The following PKD1L3 variants were observed in gnomAD, a reference collection of about 807,000 sequenced individuals.
The protein encoded by PKD1L3 is polycystin-1-like protein 3.
PKD1L3 carries 239 observed loss-of-function variants against 184.1 expected under a neutral mutation model. That is an observed-to-expected ratio of 1.30 (90% CI 1.17 to 1.45). The LOEUF is 1.45. PKD1L3 is among the 40% of genes most tolerant of loss of function. The probability of loss-of-function intolerance (pLI) is 0.00; values close to 1 mark genes in which losing one functional copy is unlikely to be tolerated. For missense variants in PKD1L3, 2,660 were observed against 2,067.2 expected (o/e 1.29, Z -5.56); for synonymous variants, 996 against 778.8 (o/e 1.28, Z -4.64).
rs530622743 is a variant in PKD1L3, at chr16:71,987,533, C to T, written c.586-1064G>A. ...GACTACAGGACCACATCACCACACC[C>T]GGCTAATTTTTGTATTTTTAGTAGA... is the stretch of plus-strand genomic sequence containing the variant. On this transcript the variant is annotated intron_variant, in intron 4 of 29. Transcript: ENST00000620267. 1.6e-4 allele frequency among the ~76,000 whole-genome samples: 25 copies of T among 152,160 alleles called. No individual in the cohort carries two copies. The South Asian group carries it at 4.6e-3, about 28-fold the overall frequency.
chr16:71,989,515 A>G (rs367680399), intron 4 of PKD1L3, among the ~76,000 whole-genome samples: 5 of 152,372 alleles, frequency 3.3e-5, no homozygotes, highest in South Asian at 2.1e-4. Flanking sequence ...AAACAAATGC[A>G]TATCTGTGTT....
chr16:71,933,298 A>C, intron 28 of PKD1L3, 122 bp downstream of exon 28: 1 of 723,948 alleles, frequency 1.4e-6, no homozygotes, highest in Non-Finnish European at 2.4e-6. Context: ...AGAGCAAAGG[A>C]CTGAAATTTT....
At chr16:71,981,463 C>T (rs1002844565) in intron 7 of PKD1L3, among the ~76,000 whole-genome samples, 8 of 150,392 alleles carry the variant, frequency 5.3e-5, no homozygotes, top group Admixed American at 2.7e-4. Flanking sequence ...CCAATGATGT[C>T]GAGCATCTTT....
chr16:71,969,629 C>T (rs373477736), intron 13 of PKD1L3, among the ~76,000 whole-genome samples: 1 of 151,824 alleles, frequency 6.6e-6, no homozygotes, highest in East Asian at 1.9e-4. Flanking sequence ...TCTTTTGGCT[C>T]ATTCCTGTCC....
At chr16:71,984,569 C>T (rs570000456) in intron 5 of PKD1L3, among the ~76,000 whole-genome samples, 26 of 152,164 alleles carry the variant, frequency 1.7e-4, no homozygotes, top group Non-Finnish European at 8.8e-5. Context: ...TTCAAGTATT[C>T]GTATTTAAGG....
In PKD1L3 at chr16:71,980,153, A is replaced by G. The variant is rs1014735752; in HGVS notation, c.1144-19T>C. 9 of 1,550,336 alleles carry G rather than the reference A, an allele frequency of 5.8e-6. No homozygotes were observed. In the African/African-American group the frequency reaches 1.1e-4, roughly 19 times the overall value. On this transcript the variant is annotated intron_variant, in intron 7 of 29. Transcript: ENST00000620267. The stretch of plus-strand genomic sequence containing the variant: ...CTTCTACCTGCATGGAAAGGAAAAC[A>G]GTGTGTGACTTGTAAAACCTCAGTG...
At chr16:71,945,027 T>C (rs535970627) in intron 22 of PKD1L3, among the ~76,000 whole-genome samples, 1 of 150,478 alleles carries the variant, frequency 6.6e-6, no homozygotes, top group Non-Finnish European at 1.5e-5. Flanking sequence ...ATACAAGCCC[T>C]GTTTTTGATA....
At position 71,944,121 on chromosome 16, in the gene PKD1L3, G is replaced by C; in HGVS notation, c.3768C>G (p.Val1256=). 6.4e-7 allele frequency: 1 copy of C among 1,551,484 alleles called. No individual in the cohort carries two copies. The highest frequency in any genetic ancestry group is 1.7e-4 in the Middle Eastern group (1 of 5,994). The change falls in exon 23 of 30, where the codon GTC becomes GTG. Residue 1256 remains valine, a synonymous_variant. Transcript: ENST00000620267. ...GACTATTTATAGCTGGGGCTACATAGACGGGGTTGTTCTTATCTCTTGAAC... is the reference window on the plus strand; with the variant it reads ...GACTATTTATAGCTGGGGCTACATACACGGGGTTGTTCTTATCTCTTGAAC... ...VPGSRDKNNP[V]YVAPAINSPT...
At chr16:71,969,300 T>C (rs2039618952) in intron 13 of PKD1L3, among the ~76,000 whole-genome samples, 4 of 152,052 alleles carry the variant, frequency 2.6e-5, no homozygotes, top group Admixed American at 2.6e-4. Flanking sequence ...AGTTAAGCTC[T>C]CTAGGTCTTT....
intron 4 of PKD1L3, among the ~76,000 whole-genome samples, chr16:71,987,866 G>C (rs990872402): frequency 6.6e-6 from 1 of 152,060 alleles, no homozygotes; most frequent in Non-Finnish European, 1.5e-5. Context: ...GGTTAGTGAC[G>C]GTATGTGAGG....
intron 1 of PKD1L3, 71 bp downstream of exon 1, chr16:71,999,613 C>T: frequency 8.4e-7 from 1 of 1,196,374 alleles, no homozygotes; most frequent in Non-Finnish European, 1.1e-6. Flanking sequence ...TTAAGATTTT[C>T]TTTTTTTTTT....
chr16:71,937,231 G>C (rs1802481854), intron 25 of PKD1L3, 61 bp downstream of exon 25: 1 of 1,494,084 alleles, frequency 6.7e-7, no homozygotes, highest in Non-Finnish European at 9.0e-7. Flanking sequence ...AATTTTTGTA[G>C]TCTGGTAAAG....
In PKD1L3 at chr16:71,999,819, G is replaced by C; in HGVS notation, c.160C>G (p.Gln54Glu). The change falls in exon 1 of 30, where the codon CAG becomes GAG. Residue 54 changes from glutamine to glutamate, a missense_variant. Transcript: ENST00000620267. ...CAAATATGAGCTAGGAATCCTCTCTGCACATGACAGTAATGCTGTGCTTCC... is the reference window on the plus strand; with the variant it reads ...CAAATATGAGCTAGGAATCCTCTCTCCACATGACAGTAATGCTGTGCTTCC... The part of the protein sequence containing the change: ...FEEAQHYCHV[Q>E]RGFLAHIWNK... The C allele has an allele frequency of 6.4e-7, 1 of 1,551,660 alleles. No individual in the cohort carries two copies. Among genetic ancestry groups the C allele is most frequent in the Non-Finnish European group, 8.7e-7 (1 of 1,146,980 alleles).
intron 5 of PKD1L3, among the ~76,000 whole-genome samples, chr16:71,984,769 G>C (rs758781369): frequency 1.3e-5 from 2 of 152,212 alleles, no homozygotes; most frequent in Middle Eastern, 3.2e-3. Context: ...TGAGGCAGGA[G>C]AATCTCTTGA....
At chr16:71,972,663 G>A (rs1024233285) in intron 12 of PKD1L3, among the ~76,000 whole-genome samples, 4 of 152,046 alleles carry the variant, frequency 2.6e-5, no homozygotes, top group Non-Finnish European at 5.9e-5. Flanking sequence ...CAGCCTGAGG[G>A]ACAGAATGAG....
At chr16:71,994,584 C>G (rs536235706) in intron 2 of PKD1L3, among the ~76,000 whole-genome samples, 47 of 152,300 alleles carry the variant, frequency 3.1e-4, no homozygotes, top group African/African-American at 1.1e-3. Context: ...ATATTGGCCT[C>G]ATGAACTATT....
Position 71,976,504 on chromosome 16 carries a change from G to A in PKD1L3, c.1759+732C>T, listed in dbSNP as rs570222837. 5.9e-5 allele frequency among the ~76,000 whole-genome samples: 9 copies of A among 151,934 alleles called. No individual in the cohort carries two copies. In the East Asian group the frequency reaches 7.7e-4, roughly 13 times the overall value. On this transcript the variant is annotated intron_variant, in intron 11 of 29. Coordinates refer to ENST00000620267, the MANE Select transcript of PKD1L3 (RefSeq NM_181536.2). ...ACTCCTGACCTCAGGTGATCCACCC[G>A]CCTCAGCCTCCCAAAGTGCTGGGGT...
intron 1 of PKD1L3, among the ~76,000 whole-genome samples, chr16:71,999,201 G>A (rs1404309134): frequency 1.3e-5 from 2 of 151,398 alleles, no homozygotes; most frequent in Non-Finnish European, 1.5e-5. Context: ...AACCCGGGAG[G>A]CGGAGCTTGC....
chr16:71,943,740 G>A (rs371783322), intron 23 of PKD1L3, among the ~76,000 whole-genome samples: 4 of 152,222 alleles, frequency 2.6e-5, no homozygotes, highest in Admixed American at 6.5e-5. Flanking sequence ...ACCTACAGAA[G>A]AGCCATCTGC....
Sources: allele counts gnomAD v4.1 joint callset (sites outside exome capture counted in the v4.1 genomes callset), GRCh38; gene constraint gnomAD v4.1.1; transcripts MANE v1.5; gene names NCBI Gene and HGNC (gene_info 2026-07-23, HGNC 2026-07-21).